The following GRID2 variants were observed in gnomAD, a reference collection of about 807,000 sequenced individuals.
GRID2 encodes the protein glutamate ionotropic receptor delta type subunit 2.
In GRID2, 33 loss-of-function variants were observed where a neutral mutation model predicts 114.8. The observed-to-expected ratio is 0.29, with a 90% confidence interval of 0.22 to 0.38. The LOEUF is 0.38. Ranked by LOEUF, GRID2 falls within the 10% of genes least tolerant of loss-of-function variation. The pLI is 1.00. For missense variants in GRID2, 1,184 were observed against 1,257.7 expected (o/e 0.94, Z 0.89); for synonymous variants, 505 against 449.9 (o/e 1.12, Z -1.55).
chr4:93,762,371 T>G (rs1240544816), intron 14 of GRID2, among the ~76,000 whole-genome samples: 3 of 152,094 alleles, frequency 2.0e-5, no homozygotes, highest in Admixed American at 2.0e-4. Context: ...ATTAAAATGG[T>G]TATTTTATCC....
At chr4:93,418,720 T>A (rs1366837293) in intron 9 of GRID2, among the ~76,000 whole-genome samples, 1 of 152,064 alleles carries the variant, frequency 6.6e-6, no homozygotes, top group African/African-American at 2.4e-5. Context: ...TCACCACATT[T>A]CTTTGATTTT....
intron 2 of GRID2, among the ~76,000 whole-genome samples, chr4:92,843,765 T>C (rs1427092350): frequency 6.6e-6 from 1 of 152,138 alleles, no homozygotes; most frequent in Non-Finnish European, 1.5e-5. Context: ...TATTTATAAA[T>C]ATCTTCTTTG....
chr4:93,788,034 A>G (rs1271593727), intron 1 of GRID2, among the ~76,000 whole-genome samples: 2 of 152,134 alleles, frequency 1.3e-5, no homozygotes, highest in Non-Finnish European at 2.9e-5. Flanking sequence ...GTAACGCCTA[A>G]GGCTGGGCGC....
intron 2 of GRID2, among the ~76,000 whole-genome samples, chr4:92,621,624 C>T (rs1478589172): frequency 1.3e-5 from 2 of 151,596 alleles, no homozygotes; most frequent in Non-Finnish European, 2.9e-5. Context: ...TACATCACTG[C>T]ACTTAGCGCA....
At chr4:93,556,970 A>T (rs1734382843) in intron 13 of GRID2, among the ~76,000 whole-genome samples, 1 of 152,192 alleles carries the variant, frequency 6.6e-6, no homozygotes, top group Admixed American at 6.5e-5. Flanking sequence ...TTCAACCCAG[A>T]ACTTCATATC....
At chr4:93,043,965 G>A (rs927069391) in intron 2 of GRID2, among the ~76,000 whole-genome samples, 2 of 151,710 alleles carry the variant, frequency 1.3e-5, no homozygotes, top group East Asian at 1.9e-4. Flanking sequence ...CTACCCTTAA[G>A]TAGTTTATAG....
At chr4:92,386,601 G>T (rs1474362910) in intron 1 of GRID2, among the ~76,000 whole-genome samples, 1 of 151,560 alleles carries the variant, frequency 6.6e-6, no homozygotes, top group Non-Finnish European at 1.5e-5. Flanking sequence ...TGAAAAAGCA[G>T]AATATATTTA....
At chr4:92,667,832 A>G (rs946554142) in intron 2 of GRID2, among the ~76,000 whole-genome samples, 2 of 151,770 alleles carry the variant, frequency 1.3e-5, no homozygotes, top group South Asian at 4.1e-4. Context: ...AAATTAAATA[A>G]GTTGTTTGCG....
At chr4:92,985,625 A>AT (rs1401233208) in intron 2 of GRID2, among the ~76,000 whole-genome samples, 2 of 152,134 alleles carry the variant, frequency 1.3e-5, no homozygotes, top group African/African-American at 4.8e-5. Context: ...CAAAAAAATG[A>AT]TTTACTGCAT....
At chr4:92,332,872 G>A (rs1379269240) in intron 1 of GRID2, among the ~76,000 whole-genome samples, 1 of 152,208 alleles carries the variant, frequency 6.6e-6, no homozygotes, top group African/African-American at 2.4e-5. Context: ...AAACTGGGGT[G>A]GGGTTGGCCC....
chr4:93,809,236 T>G (rs575989511), exon 2 of GRID2: 6 of 152,274 alleles, frequency 3.9e-5, no homozygotes, highest in African/African-American at 1.2e-4. Context: ...TCTGATTATT[T>G]CATATGGATT....
At chr4:93,689,608 C>A (rs1726368826) in intron 14 of GRID2, among the ~76,000 whole-genome samples, 1 of 151,894 alleles carries the variant, frequency 6.6e-6, no homozygotes, top group Admixed American at 6.6e-5. Context: ...CTCTTTGTTC[C>A]ATCCCAAAAG....
At chr4:93,473,827 TCTTGTGTATTGC>T (rs1344133771) in intron 11 of GRID2, among the ~76,000 whole-genome samples, 18 of 152,250 alleles carry the variant, frequency 1.2e-4, no homozygotes, top group Non-Finnish European at 2.2e-4. Context: ...TGTAAGAGTC[TCTTGTGTATTGC>T]CATATGTGCA....
intron 4 of GRID2, among the ~76,000 whole-genome samples, chr4:93,180,929 T>C (rs1739830406): frequency 6.6e-6 from 1 of 152,176 alleles, no homozygotes; most frequent in Non-Finnish European, 1.5e-5. Flanking sequence ...AATTTACTTC[T>C]TCTAAACTCC....
At chr4:92,593,248 G>T (rs1728788808) in intron 2 of GRID2, among the ~76,000 whole-genome samples, 1 of 151,938 alleles carries the variant, frequency 6.6e-6, no homozygotes, top group Non-Finnish European at 1.5e-5. Flanking sequence ...TGATAATAGG[G>T]ATCACTCAGA....
intron 4 of GRID2, among the ~76,000 whole-genome samples, chr4:93,174,736 A>G (rs777822690): frequency 2.6e-5 from 4 of 152,148 alleles, no homozygotes; most frequent in Non-Finnish European, 5.9e-5. Context: ...CTTACCTAGG[A>G]CTTCCAGCTT....
intron 8 of GRID2, among the ~76,000 whole-genome samples, chr4:93,240,119 A>G (rs1409819614): frequency 1.3e-5 from 2 of 151,628 alleles, no homozygotes; most frequent in African/African-American, 4.8e-5. Context: ...GGATACTTTT[A>G]TGCTTGTAGG....
chr4:93,270,174 C>CAGATA (rs1751283121), intron 8 of GRID2, among the ~76,000 whole-genome samples: 1 of 150,758 alleles, frequency 6.6e-6, no homozygotes, highest in Admixed American at 6.7e-5. Flanking sequence ...TATACCAAAG[C>CAGATA]AGATAGGACT....
intron 8 of GRID2, among the ~76,000 whole-genome samples, chr4:93,395,289 T>C (rs1436891764): frequency 2.0e-5 from 3 of 151,992 alleles, no homozygotes; most frequent in Non-Finnish European, 4.4e-5. Flanking sequence ...ATGTTAGAGT[T>C]ATATGTGCTA....
Sources: gnomAD v4.1 joint callset for allele counts (sites outside exome capture counted in the v4.1 genomes callset) on GRCh38, gnomAD v4.1.1 for gene constraint, MANE v1.5 for transcripts, NCBI Gene and HGNC (gene_info 2026-07-23, HGNC 2026-07-21) for gene names.